The following ZNF66 variants were observed in gnomAD, a reference collection of about 807,000 sequenced individuals.
ZNF66 encodes zinc finger protein 66, also known as putative zinc finger protein 66.
Under a neutral mutation model 35.2 loss-of-function variants are expected in ZNF66, and 32 were observed. The ratio of observed to expected loss-of-function variants is 0.91; its 90% CI spans 0.69 to 1.22. The LOEUF is 1.22. Among genes scored for constraint, ZNF66 ranks in the 50% most tolerant of loss-of-function variants. ZNF66 has a pLI of 0.00. For missense variants in ZNF66, 666 were observed against 543.1 expected, an observed-to-expected ratio of 1.23 and a Z score of -2.25; for synonymous variants, 231 against 181.3, an observed-to-expected ratio of 1.27 and a Z score of -2.20.
intron 1 of ZNF66, among the ~76,000 whole-genome samples, chr19:20,789,489 A>G (rs950659643): frequency 6.6e-5 from 10 of 152,200 alleles, no homozygotes; most frequent in Admixed American, 5.9e-4. Flanking sequence ...TGTTCTATTA[A>G]AACCAGTGTT....
intron 1 of ZNF66, among the ~76,000 whole-genome samples, chr19:20,785,501 A>C (rs935076482): frequency 1.3e-5 from 2 of 152,198 alleles, no homozygotes; most frequent in Non-Finnish European, 2.9e-5. Context: ...CAGATGCCCT[A>C]TTCCATCTCC....
At position 20,806,192 on chromosome 19, in the gene ZNF66, G is replaced by A; in HGVS notation, c.592G>A (p.Glu198Lys). The A allele has an allele frequency of 1.6e-5, 21 of 1,335,600 alleles. No individual in the cohort carries two copies. Among genetic ancestry groups the A allele is most frequent in the Non-Finnish European group, 2.2e-5 (20 of 927,632 alleles). 82.7% of individuals were successfully genotyped at this position (1,335,600 alleles called of 1,614,324 possible). The change falls in exon 4 of 4, where the codon GAG becomes AAG. Residue 198 changes from glutamate to lysine, a missense_variant. Transcript: ENST00000344519. ...TACACATAAGAAAATTCATACTGGA[G>A]AGAAACCCTATAAATGTATAGAATG... ...FTTHKKIHTG[E>K]KPYKCIECGK...
chr19:20,790,624 T>C (rs534010747), intron 1 of ZNF66, among the ~76,000 whole-genome samples: 31 of 152,184 alleles, frequency 2.0e-4, no homozygotes, highest in South Asian at 2.1e-4. Context: ...TTTCTGCCAA[T>C]TGATGCCATG....
chr19:20,781,207 C>G (rs1167804391), intron 1 of ZNF66, among the ~76,000 whole-genome samples: 1 of 152,208 alleles, frequency 6.6e-6, no homozygotes, highest in East Asian at 1.9e-4. Flanking sequence ...GCATTGCACT[C>G]TCTCCTGCCC....
rs1971436026 is a variant in ZNF66 at position 20,800,262 on chromosome 19, CAA to C, written c.227-5563_227-5562del. 2.6e-5 allele frequency among the ~76,000 whole-genome samples: 4 copies of C among 152,090 alleles called. No homozygotes were observed. In the South Asian group the frequency reaches 8.3e-4, roughly 32 times the overall value. On this transcript the variant is annotated intron_variant, in intron 3 of 3. Coordinates refer to ENST00000344519, the MANE Select transcript of ZNF66 (RefSeq NM_001355197.2). ...AAACTTTTGGCCCCAGTGGATCTCCCAAAGTGTTAGAATTATAGGCAGGAGCC... is the reference window on the plus strand; with the variant it reads ...AAACTTTTGGCCCCAGTGGATCTCCCAGTGTTAGAATTATAGGCAGGAGCC...
At chr19:20,793,332 C>CTTTTCTTTTTTTTTTT (rs1555782697) in intron 2 of ZNF66, among the ~76,000 whole-genome samples, 1 of 84,610 alleles carries the variant, frequency 1.2e-5, no homozygotes, top group Non-Finnish European at 2.2e-5. Context: ...CTTTTCTTTT[C>CTTTTCTTTTTTTTTTT]TTTTTTTTTT....
At chr19:20,799,772 CTCTAT>C (rs780456300) in intron 3 of ZNF66, among the ~76,000 whole-genome samples, 1 of 151,880 alleles carries the variant, frequency 6.6e-6, no homozygotes, top group Admixed American at 6.6e-5. Flanking sequence ...TTTCTGAGCT[CTCTAT>C]TCTGTTCTTT....
chr19:20,780,012 G>C (rs1244215162), intron 1 of ZNF66, among the ~76,000 whole-genome samples: 1 of 152,010 alleles, frequency 6.6e-6, no homozygotes, highest in African/African-American at 2.4e-5. Flanking sequence ...TTGGGAGGCT[G>C]AGGCAGGATA....
chr19:20,802,201 A>G (rs1036135734), intron 3 of ZNF66, among the ~76,000 whole-genome samples: 6 of 152,120 alleles, frequency 3.9e-5, no homozygotes, highest in African/African-American at 7.2e-5. Context: ...TGGGTACTTT[A>G]TTGTCTCTTT....
At chr19:20,780,671 C>T (rs1377456125) in intron 1 of ZNF66, among the ~76,000 whole-genome samples, 1 of 152,112 alleles carries the variant, frequency 6.6e-6, no homozygotes, top group African/African-American at 2.4e-5. Context: ...GCTAACTCTA[C>T]AGATTTGGTG....
At position 20,794,759 on chromosome 19, in the gene ZNF66, G is replaced by A. The variant is rs551867103; in HGVS notation, c.226+881G>A. Among the ~76,000 whole-genome samples the A allele has an allele frequency of 1.1e-4, 16 of 149,712 alleles. No homozygotes were observed. In the East Asian group the frequency reaches 3.0e-3, roughly 28 times the overall value. Reference sequence around the variant, plus strand: ...TAAGAAACCATACATATACTTGTGTGTTTAATTTTATATTTTGCTAATTTA... The same window carrying A: ...TAAGAAACCATACATATACTTGTGTATTTAATTTTATATTTTGCTAATTTA... On this transcript the variant is annotated intron_variant, in intron 3 of 3. Transcript: ENST00000344519.
Sources: allele counts gnomAD v4.1 joint callset (sites outside exome capture counted in the v4.1 genomes callset), GRCh38; gene constraint gnomAD v4.1.1; transcripts MANE v1.5; gene names NCBI Gene and HGNC (gene_info 2026-07-23, HGNC 2026-07-21).